LYPLA1: variants seen among roughly 807,000 people sequenced by gnomAD.
LYPLA1 encodes acyl-protein thioesterase 1.
A neutral mutation model predicts 34.0 loss-of-function variants in LYPLA1; 17 were observed. The observed-to-expected ratio is 0.50, with a 90% CI of 0.34 to 0.75. The LOEUF is 0.75. LYPLA1 is among the 30% of genes least tolerant of loss of function. The pLI is 0.01. For missense variants in LYPLA1, 203 were observed against 288.8 expected, an observed-to-expected ratio of 0.70 and a Z score of 2.15; for synonymous variants, 98 against 100.8, an observed-to-expected ratio of 0.97 and a Z score of 0.17.
intron 2 of LYPLA1, among the ~76,000 whole-genome samples, chr8:54,089,462 TTTGG>T (rs1028498341): frequency 4.1e-5 from 6 of 146,576 alleles, no homozygotes; most frequent in African/African-American, 1.6e-4. Flanking sequence ...TATCATAGGG[TTTGG>T]TACTCTCTGT....
intron 5 of LYPLA1, among the ~76,000 whole-genome samples, chr8:54,059,848 G>A (rs529754332): frequency 1.3e-5 from 2 of 152,266 alleles, no homozygotes; most frequent in African/African-American, 4.8e-5. Context: ...TGGAGACCAG[G>A]AATTTGAGGC....
At chr8:54,054,769 G>C in intron 6 of LYPLA1, 1 of 260,214 alleles carries the variant, frequency 3.8e-6, no homozygotes, top group South Asian at 9.6e-5. Context: ...GTTCCTATCA[G>C]TAGTCTCCTC....
chr8:54,091,529 GAAAAA>G (rs372241124), intron 2 of LYPLA1, among the ~76,000 whole-genome samples: 1 of 109,508 alleles, frequency 9.1e-6, no homozygotes, highest in South Asian at 2.8e-4. Context: ...AAAAAGAAAA[GAAAAA>G]AGAAAAGAAA....
chr8:54,100,854 A>G lies in LYPLA1; in HGVS notation c.101+54T>C, dbSNP rs1810079127. On this transcript the variant is annotated intron_variant, in intron 2 of 8. Transcript: ENST00000316963. Reference sequence around the variant, plus strand: ...CATTAAACCTTTGAACGCGTAAACAAAAGTTGCATGACCCAGTTTCATTAC... The same window carrying G: ...CATTAAACCTTTGAACGCGTAAACAGAAGTTGCATGACCCAGTTTCATTAC... 6.2e-6 allele frequency: 9 copies of G among 1,458,340 alleles called. No individual in the cohort carries two copies. In the South Asian group the frequency reaches 1.0e-4, roughly 17 times the overall value. 90.3% of individuals were successfully genotyped at this position (1,458,340 alleles called of 1,614,324 possible). A position where few individuals can be genotyped will look rare whatever the true frequency, so the allele number is the denominator to read the frequency against.
At chr8:54,074,408 T>C (rs754143960) in intron 2 of LYPLA1, among the ~76,000 whole-genome samples, 2 of 152,254 alleles carry the variant, frequency 1.3e-5, no homozygotes, top group African/African-American at 4.8e-5. Context: ...ACACAGTTAA[T>C]TGAAAATGCT....
Position 54,063,389 on chromosome 8 carries a change from A to G in LYPLA1, c.168-14T>C. On this transcript the variant is annotated splice_polypyrimidine_tract_variant and intron_variant, in intron 3 of 8. Transcript: ENST00000316963. The stretch of plus-strand genomic sequence containing the variant: ...GGCCTAACAGGCCTACATGGAAAAG[A>G]AAAAACAACAAAATCAGAATAACAA... 6.7e-7 allele frequency: 1 copy of G among 1,499,598 alleles called. No individual in the cohort carries two copies. Among genetic ancestry groups the G allele is most frequent in the Non-Finnish European group, 9.0e-7 (1 of 1,110,318 alleles). 92.9% of individuals were successfully genotyped at this position (1,499,598 alleles called of 1,614,324 possible).
intron 2 of LYPLA1, among the ~76,000 whole-genome samples, chr8:54,070,055 G>T (rs747330477): frequency 6.6e-6 from 1 of 152,212 alleles, no homozygotes; most frequent in Non-Finnish European, 1.5e-5. Context: ...AAATGTAAAT[G>T]GTGCAGCGAC....
chr8:54,075,543 G>A (rs1226213187), intron 2 of LYPLA1, among the ~76,000 whole-genome samples: 5 of 152,248 alleles, frequency 3.3e-5, no homozygotes, highest in Middle Eastern at 3.4e-3. Context: ...TGTCACAGAC[G>A]GCAGAAGAAA....
rs139899570 is a variant in LYPLA1 at position 54,097,146 on chromosome 8, T to G, written c.101+3762A>C. Among the ~76,000 whole-genome samples, 515 of 152,298 alleles carry G rather than the reference T, an allele frequency of 3.4e-3. 4 individuals carry two copies. The highest frequency in any genetic ancestry group is 0.014 in the Middle Eastern group (4 of 294). On this transcript the variant is annotated intron_variant, in intron 2 of 8. Transcript: ENST00000316963. ...ACAAAGTATCCCCCCGCAACTTGCT[T>G]TTTAATTACAAAAGGAAAGTAACTG...
chr8:54,043,648 G>T (rs1464921029), downstream of LYPLA1, among the ~76,000 whole-genome samples: 2 of 151,894 alleles, frequency 1.3e-5, no homozygotes, highest in African/African-American at 2.4e-5. Context: ...GTTCACTACA[G>T]CCTCCTGGGT....
chr8:54,084,226 C>T (rs1412916030), intron 2 of LYPLA1, among the ~76,000 whole-genome samples: 1 of 146,484 alleles, frequency 6.8e-6, no homozygotes, highest in African/African-American at 2.6e-5. Context: ...AACCAAAAAA[C>T]TTTATCCACA....
intron 2 of LYPLA1, among the ~76,000 whole-genome samples, chr8:54,096,170 CAATTGGGTAATTT>C (rs1809667611): frequency 1.3e-5 from 2 of 152,178 alleles, no homozygotes; most frequent in Admixed American, 6.5e-5. Flanking sequence ...GAAATATTAA[CAATTGGGTAATTT>C]GGGTGAAAGG....
intron 2 of LYPLA1, 119 bp downstream of exon 2, chr8:54,100,789 T>C: frequency 1.2e-6 from 1 of 815,834 alleles, no homozygotes; most frequent in South Asian, 1.5e-5. Flanking sequence ...GTAAGATACA[T>C]TAACTGGCAA....
chr8:54,094,265 C>T (rs1303748024), intron 2 of LYPLA1, among the ~76,000 whole-genome samples: 4 of 152,070 alleles, frequency 2.6e-5, no homozygotes, highest in Admixed American at 2.6e-4. Flanking sequence ...ATGAAGAGAA[C>T]CAAGCTTTCC....
intron 4 of LYPLA1, among the ~76,000 whole-genome samples, chr8:54,063,106 A>G (rs1806780373): frequency 6.6e-6 from 1 of 152,220 alleles, no homozygotes; most frequent in African/African-American, 2.4e-5. Flanking sequence ...ATATTCTCCC[A>G]CATGATTTTT....
chr8:54,091,542 AAAAGAAAAG>A (rs773749567), intron 2 of LYPLA1, among the ~76,000 whole-genome samples: 211 of 147,844 alleles, frequency 1.4e-3, no homozygotes, highest in Middle Eastern at 3.4e-3. Flanking sequence ...AAAAGAAAAG[AAAAGAAAAG>A]AAGAAAGGAA....
chr8:54,076,028 AATG>A (rs1255407224), intron 2 of LYPLA1, among the ~76,000 whole-genome samples: 2 of 152,108 alleles, frequency 1.3e-5, no homozygotes, highest in Admixed American at 6.6e-5. Context: ...AGATGGTAGA[AATG>A]ATAAGAAGTA....
intron 2 of LYPLA1, among the ~76,000 whole-genome samples, chr8:54,099,799 T>C (rs1237822661): frequency 6.6e-6 from 1 of 151,978 alleles, no homozygotes; most frequent in African/African-American, 2.4e-5. Flanking sequence ...TTCTCTTCTC[T>C]CAGCCTCCCT....
intron 2 of LYPLA1, among the ~76,000 whole-genome samples, chr8:54,080,161 G>A (rs1163700399): frequency 6.6e-6 from 1 of 152,252 alleles, no homozygotes; most frequent in East Asian, 1.9e-4. Context: ...TGAGGTGGGT[G>A]GATCACTTGA....
Sources: gnomAD v4.1 joint callset for allele counts (sites outside exome capture counted in the v4.1 genomes callset) on GRCh38, gnomAD v4.1.1 for gene constraint, MANE v1.5 for transcripts, NCBI Gene and HGNC (gene_info 2026-07-23, HGNC 2026-07-21) for gene names.